BABAM2: variants seen among roughly 807,000 people sequenced by gnomAD.
BABAM2 encodes BRISC and BRCA1-A complex member 2.
A neutral mutation model predicts 54.7 loss-of-function variants in BABAM2; 31 were observed. That is an observed-to-expected ratio of 0.57 (90% CI 0.43 to 0.77). The LOEUF (loss-of-function observed/expected upper bound fraction) is 0.77. BABAM2 is among the 30% of genes least tolerant of loss of function. The pLI is 0.00. For missense variants in BABAM2, 364 were observed against 455.8 expected (o/e 0.80, Z 1.83); for synonymous variants, 167 against 162.9 (o/e 1.03, Z -0.19).
chr2:28,250,584 C>CTTTTTTTTTTTTTTTTTTTTTT (rs34597279), intron 10 of BABAM2, among the ~76,000 whole-genome samples: 5 of 137,012 alleles, frequency 3.6e-5, no homozygotes, highest in African/African-American at 5.3e-5. Context: ...ATATTTTTTT[C>CTTTTTTTTTTTTTTTTTTTTTT]TTTTTTTTTT....
intron 3 of BABAM2, 120 bp from the exon 4 acceptor site, chr2:27,987,872 CT>C: frequency 1.3e-6 from 1 of 747,240 alleles, no homozygotes; most frequent in South Asian, 1.8e-5. Context: ...CTGGAAAGTG[CT>C]TTTCAAATGG....
At chr2:28,211,080 G>T (rs1051062480) in intron 7 of BABAM2, among the ~76,000 whole-genome samples, 2 of 152,148 alleles carry the variant, frequency 1.3e-5, no homozygotes, top group Non-Finnish European at 2.9e-5. Flanking sequence ...TCATTAAAAT[G>T]AGTTTGTATT....
intron 5 of BABAM2, among the ~76,000 whole-genome samples, chr2:28,042,516 G>A (rs1677185688): frequency 6.6e-6 from 1 of 152,144 alleles, no homozygotes; most frequent in South Asian, 2.1e-4. Context: ...AATGCTGCTG[G>A]TAGAACACTA....
intron 7 of BABAM2, among the ~76,000 whole-genome samples, chr2:28,190,792 G>A (rs1384611850): frequency 6.6e-6 from 1 of 152,156 alleles, no homozygotes; most frequent in Non-Finnish European, 1.5e-5. Context: ...ACCATCACCT[G>A]AGGGTTAGGA....
rs77855201 is a variant in BABAM2 at position 27,928,501 on chromosome 2, A to C, written c.129-1331A>C. ...ATCGTTTTGGGGAAAAGTAATAGTA[A>C]ATCTTTAACGTGGGGTCTGAGTTAC... On this transcript the variant is annotated intron_variant, in intron 2 of 11. Coordinates refer to ENST00000379624, the MANE Select transcript of BABAM2 (RefSeq NM_199191.3). Among the ~76,000 whole-genome samples, 27 of 152,198 alleles carry C rather than the reference A, an allele frequency of 1.8e-4. No individual in the cohort carries two copies. The East Asian group carries it at 5.2e-3, about 29-fold the overall frequency.
intron 3 of BABAM2, among the ~76,000 whole-genome samples, chr2:27,949,270 C>T (rs541664809): frequency 6.6e-5 from 10 of 152,270 alleles, no homozygotes; most frequent in African/African-American, 9.6e-5. Context: ...CGGTGGCTTA[C>T]GCCTGTAATC....
rs531897124 is a variant in BABAM2 at position 28,201,874 on chromosome 2, C to G, written c.681-35328C>G. On this transcript the variant is annotated intron_variant, in intron 7 of 11. Coordinates refer to ENST00000379624, the MANE Select transcript of BABAM2 (RefSeq NM_199191.3). The stretch of plus-strand genomic sequence containing the variant: ...CACAGGAGGATTAATAGAGGCCAGG[C>G]CATGAAATAGAGATGAAGCCCCGAA... Among the ~76,000 whole-genome samples, 57 of 152,174 alleles carry G rather than the reference C, an allele frequency of 3.7e-4. No homozygotes were observed. In the Middle Eastern group the frequency reaches 0.014, roughly 37 times the overall value.
intron 6 of BABAM2, among the ~76,000 whole-genome samples, chr2:28,054,286 CCCTT>C (rs1678224207): frequency 1.3e-5 from 2 of 152,188 alleles, no homozygotes; most frequent in South Asian, 4.1e-4. Context: ...GTTGAAGTCT[CCCTT>C]CTTCTCTTTC....
chr2:27,963,972 T>C (rs1330712979), intron 3 of BABAM2, among the ~76,000 whole-genome samples: 1 of 152,206 alleles, frequency 6.6e-6, no homozygotes, highest in African/African-American at 2.4e-5. Flanking sequence ...AAGAGTAAAG[T>C]CCATTGCTAT....
chr2:28,075,366 G>A (rs1664558540), intron 6 of BABAM2, among the ~76,000 whole-genome samples: 1 of 152,136 alleles, frequency 6.6e-6, no homozygotes, highest in Non-Finnish European at 1.5e-5. Flanking sequence ...ATTAGTAATA[G>A]AGCTGTATAA....
intron 2 of BABAM2, among the ~76,000 whole-genome samples, chr2:27,903,100 C>G (rs552661917): frequency 6.1e-4 from 93 of 151,562 alleles, no homozygotes; most frequent in African/African-American, 1.9e-3. Context: ...CCCACCCCCC[C>G]CACCGTATGG....
At chr2:28,273,237 G>A (rs1021428440) in intron 10 of BABAM2, among the ~76,000 whole-genome samples, 5 of 152,096 alleles carry the variant, frequency 3.3e-5, no homozygotes, top group African/African-American at 1.2e-4. Flanking sequence ...AACCACTTAG[G>A]TACCACATTG....
At chr2:28,013,812 AG>A (rs1487575792) in intron 4 of BABAM2, among the ~76,000 whole-genome samples, 3 of 151,522 alleles carry the variant, frequency 2.0e-5, no homozygotes, top group Non-Finnish European at 4.4e-5. Flanking sequence ...CTCAAGATAA[AG>A]GAGGGGCAGA....
chr2:28,140,643 AT>A (rs1017686519), intron 7 of BABAM2, among the ~76,000 whole-genome samples: 2 of 152,144 alleles, frequency 1.3e-5, no homozygotes, highest in African/African-American at 4.8e-5. Flanking sequence ...ATATACTTGT[AT>A]TTTTTAATCA....
At chr2:27,986,878 A>G (rs1359705586) in intron 3 of BABAM2, among the ~76,000 whole-genome samples, 2 of 152,178 alleles carry the variant, frequency 1.3e-5, no homozygotes, top group East Asian at 1.9e-4. Flanking sequence ...AAACTAATCT[A>G]CTTGTTAGTA....
At chr2:27,897,962 C>G (rs1269408455) in intron 2 of BABAM2, among the ~76,000 whole-genome samples, 1 of 152,160 alleles carries the variant, frequency 6.6e-6, no homozygotes, top group African/African-American at 2.4e-5. Flanking sequence ...GAGTGATGTA[C>G]TTCCTTTACT....
At chr2:28,327,284 G>A in intron 11 of BABAM2, 1 of 1,603,196 alleles carries the variant, frequency 6.2e-7, no homozygotes, top group Non-Finnish European at 8.5e-7. Flanking sequence ...GGGATGCCAA[G>A]GGAGCAGAGA....
chr2:28,330,805 C>T (rs551374310), intron 11 of BABAM2, among the ~76,000 whole-genome samples: 1 of 152,290 alleles, frequency 6.6e-6, no homozygotes, highest in African/African-American at 2.4e-5. Flanking sequence ...CTACCATGGA[C>T]ATTCTTCACA....
At chr2:28,281,293 G>A (rs768001099) in intron 10 of BABAM2, among the ~76,000 whole-genome samples, 1 of 152,232 alleles carries the variant, frequency 6.6e-6, no homozygotes, top group Non-Finnish European at 1.5e-5. Context: ...GTGTAGGACA[G>A]ATAGAAGGAC....
Sources: gnomAD v4.1 joint callset for allele counts (sites outside exome capture counted in the v4.1 genomes callset) on GRCh38, gnomAD v4.1.1 for gene constraint, MANE v1.5 for transcripts, NCBI Gene and HGNC (gene_info 2026-07-23, HGNC 2026-07-21) for gene names.